ZDBF2: variants seen among roughly 807,000 people sequenced by gnomAD.
ZDBF2 encodes zinc finger DBF-type containing 2, also known as DBF4-type zinc finger-containing protein 2.
A neutral mutation model predicts 9.4 loss-of-function variants in ZDBF2; 6 were observed. The observed-to-expected ratio is 0.64, with a 90% CI of 0.35 to 1.27. The LOEUF (loss-of-function observed/expected upper bound fraction) is 1.27. Among genes scored for constraint, ZDBF2 ranks in the 50% most tolerant of loss-of-function variants. The probability of loss-of-function intolerance (pLI) is 0.03; values close to 1 mark genes in which losing one functional copy is unlikely to be tolerated. For synonymous variants in ZDBF2, 905 were observed against 946.3 expected, an observed-to-expected ratio of 0.96 and a Z score of 0.80; for missense variants, 2,697 against 2,766.8, an observed-to-expected ratio of 0.97 and a Z score of 0.57.
chr2:206,305,281 T>A lies in ZDBF2; in HGVS notation c.753T>A (p.Tyr251Ter). ...ATGTAGAAACTACTTCATTTTCGTA[T>A]CAGAAACATAAAGAATCAAATAGGA... ...SSHVETTSFS[Y>*]QKHKESNRKS... The change falls in exon 5 of 5, where the codon TAT (tyrosine) becomes TAA (stop). Residue 251 changes from tyrosine to a stop codon, truncating the protein, a stop_gained. Transcript: ENST00000374423. LOFTEE classifies it low-confidence loss of function (END_TRUNC). 6.2e-7 allele frequency: 1 copy of A among 1,613,172 alleles called. No individual in the cohort carries two copies. The highest frequency in any genetic ancestry group is 8.5e-7 in the Non-Finnish European group (1 of 1,179,628).
chr2:206,276,115 T>TA (rs1293582197), intron 1 of ZDBF2, among the ~76,000 whole-genome samples: 5 of 151,332 alleles, frequency 3.3e-5, no homozygotes, highest in Non-Finnish European at 5.9e-5. Context: ...GACTAGCATT[T>TA]AAAAAAAAAT....
At position 206,309,825 on chromosome 2, in the gene ZDBF2, CTG is replaced by C; in HGVS notation, c.5299_5300del (p.Val1767Ter). On this transcript the variant is annotated frameshift_variant, in exon 5 of 5. Coordinates refer to ENST00000374423, the MANE Select transcript of ZDBF2 (RefSeq NM_020923.3). LOFTEE classifies it low-confidence loss of function (END_TRUNC). Reference sequence around the variant, plus strand: ...TCTGATACTGATCAGCCTCAAGAAACTGTTAAGAAAAGACACCCTTGTAAGAA... The same window carrying C: ...TCTGATACTGATCAGCCTCAAGAAACTTAAGAAAAGACACCCTTGTAAGAA... 1 of 1,613,738 alleles carries C rather than the reference CTG, an allele frequency of 6.2e-7. No homozygotes were observed.
In ZDBF2 at chr2:206,311,541, A is replaced by G; in HGVS notation, c.7013A>G (p.Glu2338Gly). ...AGCTCATCTTGTTTACAACAACGTG[A>G]GAGAATGATGACTCGGCTAGCAAAC... is the stretch of plus-strand genomic sequence containing the variant. ...LRSSSCLQQR[E>G]RMMTRLANKL... Residue 2338 changes from glutamate (E) to glycine (G), a missense_variant, in exon 5 of 5, where the codon GAG (glutamate) becomes GGG (glycine). Coordinates refer to ENST00000374423, the MANE Select transcript of ZDBF2 (RefSeq NM_020923.3). 1 of 1,544,700 alleles carries G rather than the reference A, an allele frequency of 6.5e-7. No homozygotes were observed. The highest frequency in any genetic ancestry group is 8.7e-7 in the Non-Finnish European group (1 of 1,148,644).
rs1009694698 is a variant in ZDBF2 at position 206,279,559 on chromosome 2, C to T, written c.-83C>T. The T allele has an allele frequency of 6.6e-6, 1 of 152,068 alleles. No homozygotes were observed. The highest frequency in any genetic ancestry group is 2.4e-5 in the African/African-American group (1 of 41,384). The allele number at this position is 152,068 out of a possible 1,614,324, so 9.4% of individuals were successfully genotyped here. A position where few individuals can be genotyped will look rare whatever the true frequency, so the allele number is the denominator to read the frequency against. On this transcript the variant is annotated 5_prime_UTR_variant, in exon 2 of 5. Transcript: ENST00000374423. ...TTACAGATACTTGCCAGAACTAATA[C>T]AGCTGATGAAATACCTGACCTTTTC... is the stretch of plus-strand genomic sequence containing the variant.
In ZDBF2 at chr2:206,309,215, A is replaced by G. The variant is rs1230036568; in HGVS notation, c.4687A>G (p.Ile1563Val). 6.2e-7 allele frequency: 1 copy of G among 1,606,772 alleles called. No homozygotes were observed. Among genetic ancestry groups the G allele is most frequent in the African/African-American group, 1.3e-5 (1 of 74,980 alleles). ...GTTGACTGTCAAAGATATCAGCTGTATAAATACAGAATGTATTGATATAGA... is the reference window on the plus strand; with the variant it reads ...GTTGACTGTCAAAGATATCAGCTGTGTAAATACAGAATGTATTGATATAGA... ...PQLTVKDISC[I>V]NTECIDIEDK... Residue 1563 changes from isoleucine (I) to valine (V), a missense_variant, in exon 5 of 5, where the codon ATA (isoleucine) becomes GTA (valine). This residue lies in a region of ZDBF2 where 1,783 missense variants were observed against 1,776.5 expected (regional missense o/e 1.00). Coordinates refer to ENST00000374423, the MANE Select transcript of ZDBF2 (RefSeq NM_020923.3).
rs1175990150 is a variant in ZDBF2 at position 206,313,663 on chromosome 2, T to C, written c.*2070T>C. 6.6e-6 allele frequency: 1 copy of C among 152,198 alleles called. No homozygotes were observed. The highest frequency in any genetic ancestry group is 1.5e-5 in the Non-Finnish European group (1 of 67,998). The allele number at this position is 152,198 out of a possible 1,614,324, so 9.4% of individuals were successfully genotyped here. On this transcript the variant is annotated 3_prime_UTR_variant, in exon 5 of 5. Transcript: ENST00000374423. ...TGTACTATGTACCTATGATGTGTCA[T>C]ATCGTGATTACATCATGCAGAGAGA...
intron 4 of ZDBF2, among the ~76,000 whole-genome samples, chr2:206,303,734 A>C (rs1413827958): frequency 1.3e-5 from 2 of 152,126 alleles, no homozygotes; most frequent in African/African-American, 4.8e-5. Flanking sequence ...ACACCTCTAG[A>C]CTTCTACAGT....
chr2:206,280,708 TA>T (rs1489436040), intron 2 of ZDBF2, among the ~76,000 whole-genome samples: 1 of 151,346 alleles, frequency 6.6e-6, no homozygotes, highest in Non-Finnish European at 1.5e-5. Context: ...AATAGGTAAG[TA>T]AATATTATGC....
chr2:206,307,162 C>A lies in ZDBF2; in HGVS notation c.2634C>A (p.Ala878=), dbSNP rs751499003. Residue 878 remains alanine (A), a synonymous_variant, in exon 5 of 5, where the codon GCC becomes GCA. Transcript: ENST00000374423. ...SGSEISSDSH[A]PLHSVTNSPE... is the part of the protein sequence containing the mutation. ...CTGAAATAAGTTCGGATTCCCATGC[C>A]CCTCTTCATTCAGTGACTAATTCTC... 6.2e-7 allele frequency: 1 copy of A among 1,613,366 alleles called. No homozygotes were observed. Among genetic ancestry groups the A allele is most frequent in the South Asian group, 1.1e-5 (1 of 90,930 alleles).
chr2:206,305,224 T>C lies in ZDBF2; in HGVS notation c.696T>C (p.Asp232=), dbSNP rs1462921701. 2 of 1,613,718 alleles carry C rather than the reference T, an allele frequency of 1.2e-6. No homozygotes were observed. Among genetic ancestry groups the C allele is most frequent in the South Asian group, 1.1e-5 (1 of 91,074 alleles). Residue 232 remains aspartate, a synonymous_variant, in exon 5 of 5, where the codon GAT becomes GAC. Transcript: ENST00000374423. ...TTGAGAAATATCTTGAACAGCCAGA[T>C]GGGGCCTCTAGAAATCCTGTGCCAT... ...NKVEKYLEQP[D]GASRNPVPSS...
rs191943991 is a variant in ZDBF2 at position 206,297,598 on chromosome 2, G to T, written c.188+225G>T. ...GTTTTTTTCTAAATAAAAGTCTTAG[G>T]CTAATAATTATATATCATTAAGATG... On this transcript the variant is annotated intron_variant, in intron 4 of 4. Transcript: ENST00000374423. 6.6e-5 allele frequency among the ~76,000 whole-genome samples: 10 copies of T among 152,208 alleles called. No individual in the cohort carries two copies. In the East Asian group the frequency reaches 1.7e-3, roughly 26 times the overall value.
chr2:206,277,946 G>A (rs1691112219), intron 1 of ZDBF2, among the ~76,000 whole-genome samples: 1 of 152,086 alleles, frequency 6.6e-6, no homozygotes, highest in Non-Finnish European at 1.5e-5. Flanking sequence ...CTGACAAAAT[G>A]AAATACTATG....
chr2:206,280,655 T>C (rs1157013117), intron 2 of ZDBF2, among the ~76,000 whole-genome samples: 1 of 152,214 alleles, frequency 6.6e-6, no homozygotes, highest in East Asian at 1.9e-4. Flanking sequence ...ATTTTCCTCA[T>C]AAATGTGAGA....
chr2:206,277,311 TAA>T (rs938302607), intron 1 of ZDBF2, among the ~76,000 whole-genome samples: 1 of 137,792 alleles, frequency 7.3e-6, no homozygotes, highest in Non-Finnish European at 1.6e-5. Flanking sequence ...AATATTTCTT[TAA>T]AAAAAAAAAA....
chr2:206,307,163 C>A lies in ZDBF2; in HGVS notation c.2635C>A (p.Pro879Thr). ...TGAAATAAGTTCGGATTCCCATGCCCCTCTTCATTCAGTGACTAATTCTCC... is the reference window on the plus strand; with the variant it reads ...TGAAATAAGTTCGGATTCCCATGCCACTCTTCATTCAGTGACTAATTCTCC... ...GSEISSDSHA[P>T]LHSVTNSPEV... is the part of the protein sequence containing the mutation. The change falls in exon 5 of 5, where the codon CCT becomes ACT. Residue 879 changes from proline (P) to threonine (T), a missense_variant. By Grantham distance (38) the Pro-to-Thr change is conservative. Coordinates refer to ENST00000374423, the MANE Select transcript of ZDBF2 (RefSeq NM_020923.3). 6.2e-7 allele frequency: 1 copy of A among 1,613,400 alleles called. No individual in the cohort carries two copies. Among genetic ancestry groups the A allele is most frequent in the Non-Finnish European group, 8.5e-7 (1 of 1,179,726 alleles).
At chr2:206,296,294 T>C (rs12620573) in intron 3 of ZDBF2, among the ~76,000 whole-genome samples, 1 of 152,230 alleles carries the variant, frequency 6.6e-6, no homozygotes, top group East Asian at 1.9e-4. Flanking sequence ...CCACTCATTG[T>C]CCCACTCAGG....
chr2:206,280,052 G>C (rs1373937866), intron 2 of ZDBF2, among the ~76,000 whole-genome samples: 1 of 152,172 alleles, frequency 6.6e-6, no homozygotes, highest in Non-Finnish European at 1.5e-5. Context: ...CGATCCACCT[G>C]CCTCGGCCTC....
chr2:206,280,844 A>G (rs1442691963), intron 2 of ZDBF2, among the ~76,000 whole-genome samples: 1 of 152,214 alleles, frequency 6.6e-6, no homozygotes. Context: ...ATAACATGTT[A>G]TAGAATGATT....
Position 206,309,151 on chromosome 2 carries a change from A to T in ZDBF2, c.4623A>T (p.Ser1541=). The T allele has an allele frequency of 1.2e-6, 2 of 1,612,598 alleles. No homozygotes were observed. Among genetic ancestry groups the T allele is most frequent in the Non-Finnish European group, 1.7e-6 (2 of 1,179,172 alleles). The part of the protein sequence containing the change: ...VPGDSDYEVI[S]DDIPLQLVTD... The stretch of plus-strand genomic sequence containing the variant: ...GTGATAGTGATTATGAAGTAATTTC[A>T]GATGATATTCCCCTTCAGTTAGTGA... The change falls in exon 5 of 5, where the codon TCA becomes TCT. Residue 1541 remains serine (S), a synonymous_variant. Transcript: ENST00000374423.
Sources: gnomAD v4.1 joint callset for allele counts (sites outside exome capture counted in the v4.1 genomes callset) on GRCh38, gnomAD v4.1.1 for gene constraint, gnomAD v4.1.1 regional missense constraint, MANE v1.5 for transcripts, NCBI Gene and HGNC (gene_info 2026-07-23, HGNC 2026-07-21) for gene names.